Variants in CUL3 observed in about 807,000 individuals in gnomAD.
CUL3 encodes cullin 3, also known as cullin-3.
In CUL3, 19 loss-of-function variants were observed where a neutral mutation model predicts 89.1. The observed-to-expected ratio is 0.21, with a 90% confidence interval of 0.15 to 0.31. CUL3 has a LOEUF of 0.31. Among genes scored for constraint, CUL3 ranks in the 10% least tolerant of loss-of-function variants. The probability of loss-of-function intolerance (pLI) is 1.00; values close to 1 mark genes in which losing one functional copy is unlikely to be tolerated. For missense variants in CUL3, 469 were observed against 942.3 expected, an observed-to-expected ratio of 0.50 and a Z score of 6.58; for synonymous variants, 351 against 308.4, an observed-to-expected ratio of 1.14 and a Z score of -1.45.
intron 13 of CUL3, among the ~76,000 whole-genome samples, chr2:224,492,914 C>T: frequency 6.6e-6 from 1 of 152,140 alleles, no homozygotes; most frequent in East Asian, 1.9e-4. Flanking sequence ...AAACCAGCCA[C>T]CAAGATTTGA....
intron 6 of CUL3, among the ~76,000 whole-genome samples, chr2:224,508,470 G>A (rs1300436055): frequency 6.6e-6 from 1 of 151,938 alleles, no homozygotes; most frequent in Non-Finnish European, 1.5e-5. Flanking sequence ...CTAACAAAAT[G>A]GTTCACAACT....
chr2:224,559,251 A>G (rs999443254), intron 1 of CUL3, among the ~76,000 whole-genome samples: 1 of 151,600 alleles, frequency 6.6e-6, no homozygotes, highest in Non-Finnish European at 1.5e-5. Flanking sequence ...GGAGTTTGAG[A>G]CCAGCCTGGG....
rs1290647176 is a variant in CUL3, at chr2:224,498,818, T to C, written c.1611-969A>G. Among the ~76,000 whole-genome samples the C allele has an allele frequency of 7.9e-5, 12 of 152,218 alleles. No individual in the cohort carries two copies. In the East Asian group the frequency reaches 2.1e-3, roughly 27 times the overall value. On this transcript the variant is annotated intron_variant, in intron 11 of 15. Transcript: ENST00000264414. ...AGCTGCTTTCCTGGAAAATGGCCTATGTTCTAAAAGACAAAATCTAGTTTT... is the reference window on the plus strand; with the variant it reads ...AGCTGCTTTCCTGGAAAATGGCCTACGTTCTAAAAGACAAAATCTAGTTTT...
At chr2:224,489,361 C>A (rs1270880822) in intron 13 of CUL3, among the ~76,000 whole-genome samples, 1 of 152,190 alleles carries the variant, frequency 6.6e-6, no homozygotes, top group Non-Finnish European at 1.5e-5. Context: ...AAAACCCCAT[C>A]GTCTCAGCCC....
chr2:224,542,495 TTG>T (rs10590934), intron 2 of CUL3, among the ~76,000 whole-genome samples: 37,519 of 150,124 alleles, frequency 0.25, 5,123 homozygotes, highest in African/African-American at 0.37. Flanking sequence ...TTCTGGCTTT[TTG>T]TGTGTGTGTG....
chr2:224,510,941 G>C (rs753264502), intron 6 of CUL3, among the ~76,000 whole-genome samples: 2 of 152,028 alleles, frequency 1.3e-5, no homozygotes, highest in Non-Finnish European at 2.9e-5. Flanking sequence ...AATCCCAAAG[G>C]AAAGTCTACA....
At chr2:224,489,857 G>A (rs919804038) in intron 13 of CUL3, among the ~76,000 whole-genome samples, 1 of 152,180 alleles carries the variant, frequency 6.6e-6, no homozygotes, top group Non-Finnish European at 1.5e-5. Context: ...TGACAAATGG[G>A]ATCTAATTAA....
intron 13 of CUL3, among the ~76,000 whole-genome samples, chr2:224,492,082 T>C (rs753682134): frequency 2.6e-5 from 4 of 152,188 alleles, no homozygotes; most frequent in Non-Finnish European, 5.9e-5. Flanking sequence ...AAGCTTTCTT[T>C]CTCTTTTGTA....
chr2:224,479,570 T>C (rs561619685), intron 14 of CUL3: 1 of 152,160 alleles, frequency 6.6e-6, no homozygotes, highest in East Asian at 1.9e-4. Context: ...ACTGAGGCAA[T>C]ATGGGTGGTA....
rs928206935 is a variant in CUL3 at position 224,571,026 on chromosome 2, T to C, written c.67-13170A>G. 6.6e-5 allele frequency among the ~76,000 whole-genome samples: 10 copies of C among 152,304 alleles called. No homozygotes were observed. In the South Asian group the frequency reaches 1.9e-3, roughly 28 times the overall value. On this transcript the variant is annotated intron_variant, in intron 1 of 15. Coordinates refer to ENST00000264414, the MANE Select transcript of CUL3 (RefSeq NM_003590.5). ...GCATATATAGAAAAAAAGGTATGTATAACATTTCAAAATGTGATAATGACC... is the reference window on the plus strand; with the variant it reads ...GCATATATAGAAAAAAAGGTATGTACAACATTTCAAAATGTGATAATGACC...
chr2:224,494,711 T>C (rs530788904), intron 13 of CUL3, among the ~76,000 whole-genome samples: 1 of 152,310 alleles, frequency 6.6e-6, no homozygotes, highest in South Asian at 2.1e-4. Flanking sequence ...GGGAAATGTA[T>C]CTTAATCCTT....
chr2:224,475,123 T>C (rs1404293404), intron 15 of CUL3, among the ~76,000 whole-genome samples: 3 of 152,190 alleles, frequency 2.0e-5, no homozygotes, highest in Middle Eastern at 3.2e-3. Context: ...GTTCCCACCA[T>C]TCTCCTGCCT....
At chr2:224,487,673 C>T (rs1691785583) in intron 13 of CUL3, among the ~76,000 whole-genome samples, 1 of 152,074 alleles carries the variant, frequency 6.6e-6, no homozygotes, top group Non-Finnish European at 1.5e-5. Flanking sequence ...TTTGATACCC[C>T]ACTGTCAATA....
At chr2:224,562,312 G>A (rs1449772042) in intron 1 of CUL3, among the ~76,000 whole-genome samples, 2 of 151,686 alleles carry the variant, frequency 1.3e-5, no homozygotes, top group Admixed American at 6.6e-5. Flanking sequence ...TGTTCCTTCT[G>A]GTGATAGCTA....
intron 12 of CUL3, among the ~76,000 whole-genome samples, chr2:224,497,314 T>G (rs918307262): frequency 2.0e-5 from 3 of 152,174 alleles, no homozygotes; most frequent in African/African-American, 7.2e-5. Flanking sequence ...ACTAATTTTT[T>G]AAATTACTTT....
chr2:224,542,584 C>T (rs529916956), intron 2 of CUL3, among the ~76,000 whole-genome samples: 17 of 151,924 alleles, frequency 1.1e-4, no homozygotes, highest in African/African-American at 3.6e-4. Flanking sequence ...CGCGCGCATG[C>T]GTGTGTAGGT....
At chr2:224,498,991 C>T (rs1055966848) in intron 11 of CUL3, among the ~76,000 whole-genome samples, 1 of 152,164 alleles carries the variant, frequency 6.6e-6, no homozygotes, top group African/African-American at 2.4e-5. Flanking sequence ...TTAGTTACTT[C>T]ACCTTACAAA....
intron 2 of CUL3, among the ~76,000 whole-genome samples, chr2:224,546,168 A>G (rs1437690211): frequency 6.6e-6 from 1 of 152,182 alleles, no homozygotes; most frequent in Non-Finnish European, 1.5e-5. Context: ...ATTAAAAGCT[A>G]TTATTATAGC....
chr2:224,496,048 T>C (rs762617891), intron 12 of CUL3, 82 bp from the exon 13 acceptor site: 526 of 1,424,846 alleles, frequency 3.7e-4, no homozygotes, highest in Non-Finnish European at 4.8e-4. Context: ...TACATATGTA[T>C]GTTACAGGGT....
Sources: allele counts gnomAD v4.1 joint callset (sites outside exome capture counted in the v4.1 genomes callset), GRCh38; gene constraint gnomAD v4.1.1; transcripts MANE v1.5; gene names NCBI Gene and HGNC (gene_info 2026-07-23, HGNC 2026-07-21).